Variants in POU6F2 observed in about 807,000 individuals in gnomAD.
The protein encoded by POU6F2 is POU class 6 homeobox 2.
A neutral mutation model predicts 71.3 loss-of-function variants in POU6F2; 31 were observed. That is an observed-to-expected ratio of 0.43 (90% CI 0.33 to 0.59). The LOEUF (loss-of-function observed/expected upper bound fraction) is 0.59, where lower values mean the gene tolerates loss of function less well. Among genes scored for constraint, POU6F2 ranks in the 20% least tolerant of loss-of-function variants. The probability of loss-of-function intolerance (pLI) is 0.04; values close to 1 mark genes in which losing one functional copy is unlikely to be tolerated. For missense variants in POU6F2, 783 were observed against 856.8 expected (o/e 0.91, Z 1.07); for synonymous variants, 347 against 355.7 (o/e 0.98, Z 0.27).
chr7:39,027,689 G>A (rs1471375074), intron 1 of POU6F2, among the ~76,000 whole-genome samples: 1 of 152,170 alleles, frequency 6.6e-6, no homozygotes, highest in African/African-American at 2.4e-5. Flanking sequence ...CTGTGAGTTG[G>A]CAGTTTGCCA....
intron 6 of POU6F2, among the ~76,000 whole-genome samples, chr7:39,416,861 T>C (rs1787691721): frequency 1.3e-5 from 2 of 152,004 alleles, no homozygotes; most frequent in African/African-American, 2.4e-5. Flanking sequence ...TTAAGGGGGA[T>C]ACTATAATTG....
At chr7:38,981,221 G>C (rs1028674982) in intron 1 of POU6F2, among the ~76,000 whole-genome samples, 1 of 152,188 alleles carries the variant, frequency 6.6e-6, no homozygotes, top group African/African-American at 2.4e-5. Flanking sequence ...TTATCATTTA[G>C]AAATGAAGAC....
At chr7:39,242,494 T>C (rs1214477196) in intron 4 of POU6F2, among the ~76,000 whole-genome samples, 1 of 152,140 alleles carries the variant, frequency 6.6e-6, no homozygotes, top group Admixed American at 6.6e-5. Context: ...TTGTACTTAT[T>C]TGTCTACTCT....
chr7:39,050,801 G>C (rs540424065), intron 1 of POU6F2, among the ~76,000 whole-genome samples: 1 of 152,222 alleles, frequency 6.6e-6, no homozygotes, highest in Non-Finnish European at 1.5e-5. Flanking sequence ...AAGGGGAGCA[G>C]CCCAGGCAAA....
At chr7:39,022,093 A>T (rs1789690440) in intron 1 of POU6F2, among the ~76,000 whole-genome samples, 1 of 152,106 alleles carries the variant, frequency 6.6e-6, no homozygotes, top group Non-Finnish European at 1.5e-5. Context: ...TCTTTGGCTC[A>T]GGGAAAATAT....
At chr7:39,128,965 G>A (rs910299805) in intron 2 of POU6F2, among the ~76,000 whole-genome samples, 3 of 152,296 alleles carry the variant, frequency 2.0e-5, no homozygotes, top group East Asian at 1.9e-4. Context: ...TCTTAATGCA[G>A]TTAGGATGAA....
At chr7:39,051,651 T>G (rs1584518020) in intron 1 of POU6F2, among the ~76,000 whole-genome samples, 1 of 152,136 alleles carries the variant, frequency 6.6e-6, no homozygotes, top group Admixed American at 6.6e-5. Context: ...AGATGTTTTT[T>G]ACTCAGGTGT....
chr7:39,094,329 G>C (rs1314905565), intron 2 of POU6F2, among the ~76,000 whole-genome samples: 1 of 152,098 alleles, frequency 6.6e-6, no homozygotes, highest in East Asian at 1.9e-4. Context: ...AGCTAGGGAA[G>C]ACTCTTGGGA....
intron 2 of POU6F2, among the ~76,000 whole-genome samples, chr7:39,122,889 G>A (rs1792072784): frequency 6.6e-6 from 1 of 151,874 alleles, no homozygotes; most frequent in Non-Finnish European, 1.5e-5. Flanking sequence ...TGTATTTTTA[G>A]TAGAGACGGG....
chr7:39,104,205 A>C (rs1404221342), intron 2 of POU6F2, among the ~76,000 whole-genome samples: 4 of 152,252 alleles, frequency 2.6e-5, no homozygotes, highest in Non-Finnish European at 4.4e-5. Flanking sequence ...CTCTAGTTAC[A>C]ATTATAGGGT....
intron 5 of POU6F2, among the ~76,000 whole-genome samples, chr7:39,340,250 A>G (rs1785887299): frequency 6.6e-6 from 1 of 152,232 alleles, no homozygotes; most frequent in Admixed American, 6.5e-5. Context: ...GATAAATGTT[A>G]TCTGTTTCCT....
intron 4 of POU6F2, among the ~76,000 whole-genome samples, chr7:39,276,460 T>C (rs956957306): frequency 6.6e-6 from 1 of 151,900 alleles, no homozygotes; most frequent in African/African-American, 2.4e-5. Context: ...GGTGGAACTG[T>C]AAACTAGTTC....
At position 39,435,240 on chromosome 7, in the gene POU6F2, A is replaced by C. The variant is rs138184431; in HGVS notation, c.1320+1957A>C. ...TTCCATGATGGTTGAACTAATTTAC[A>C]TTCCCACCAACAGTGTAAACATGTT... On this transcript the variant is annotated intron_variant, in intron 7 of 9. Transcript: ENST00000518318. Among the ~76,000 whole-genome samples the C allele has an allele frequency of 2.3e-3, 345 of 152,284 alleles. 4 individuals carry two copies. The highest frequency in any genetic ancestry group is 7.5e-3 in the African/African-American group (311 of 41,550).
intron 1 of POU6F2, among the ~76,000 whole-genome samples, chr7:39,019,358 G>A (rs762301881): frequency 1.3e-5 from 2 of 152,120 alleles, no homozygotes; most frequent in African/African-American, 4.8e-5. Context: ...CTCTTTGGAA[G>A]CTTTTAGGAC....
chr7:38,987,198 T>C (rs191206923), intron 1 of POU6F2, among the ~76,000 whole-genome samples: 3 of 152,262 alleles, frequency 2.0e-5, no homozygotes. Flanking sequence ...AAAAGATACT[T>C]ATCATCTATA....
intron 7 of POU6F2, among the ~76,000 whole-genome samples, chr7:39,443,426 G>A (rs1788455567): frequency 6.6e-6 from 1 of 152,228 alleles, no homozygotes; most frequent in Non-Finnish European, 1.5e-5. Flanking sequence ...AGTCATGGCA[G>A]GCACCAATGG....
chr7:39,269,049 A>G (rs983729216), intron 4 of POU6F2, among the ~76,000 whole-genome samples: 2 of 152,226 alleles, frequency 1.3e-5, no homozygotes, highest in Non-Finnish European at 2.9e-5. Context: ...ATGGTATTTT[A>G]TTATAAATTA....
At chr7:39,448,332 C>A (rs574178536) in intron 7 of POU6F2, among the ~76,000 whole-genome samples, 2 of 152,254 alleles carry the variant, frequency 1.3e-5, no homozygotes, top group South Asian at 4.1e-4. Context: ...CCTATGGGCT[C>A]CATTGAGATG....
intron 4 of POU6F2, among the ~76,000 whole-genome samples, chr7:39,334,598 C>T (rs193095725): frequency 6.6e-6 from 1 of 152,258 alleles, no homozygotes; most frequent in East Asian, 1.9e-4. Context: ...CAGCCATCTA[C>T]CTTTTCCCAT....
Sources: allele counts gnomAD v4.1 joint callset (sites outside exome capture counted in the v4.1 genomes callset), GRCh38; gene constraint gnomAD v4.1.1; transcripts MANE v1.5; gene names NCBI Gene and HGNC (gene_info 2026-07-23, HGNC 2026-07-21).